TMEM132D: variants seen among roughly 807,000 people sequenced by gnomAD.
TMEM132D encodes the protein transmembrane protein 132D, also known as mature OL transmembrane protein.
Under a neutral mutation model 62.3 loss-of-function variants are expected in TMEM132D, and 21 were observed. The observed-to-expected ratio is 0.34, with a 90% CI of 0.24 to 0.49. The LOEUF is 0.49. TMEM132D is among the 20% of genes least tolerant of loss of function. The pLI is 0.99. For synonymous variants in TMEM132D, 621 were observed against 575.6 expected (o/e 1.08, Z -1.13); for missense variants, 1,346 against 1,402.8 (o/e 0.96, Z 0.65).
chr12:129,684,312 G>A (rs1880854905), intron 2 of TMEM132D, among the ~76,000 whole-genome samples: 1 of 152,040 alleles, frequency 6.6e-6, no homozygotes, highest in Admixed American at 6.5e-5. Context: ...GTTCTCATGA[G>A]ATCTGATGGT....
intron 5 of TMEM132D, among the ~76,000 whole-genome samples, chr12:129,089,266 C>G (rs1299079681): frequency 2.4e-5 from 1 of 41,608 alleles, no homozygotes; most frequent in Non-Finnish European, 3.9e-5. Context: ...TCCTCCATGA[C>G]CGGGATGTCC....
At chr12:129,365,432 T>C (rs1361128407) in intron 3 of TMEM132D, among the ~76,000 whole-genome samples, 1 of 152,202 alleles carries the variant, frequency 6.6e-6, no homozygotes, top group Non-Finnish European at 1.5e-5. Context: ...TGACTAGTCC[T>C]ATCCAAAGCT....
rs534095014 is a variant in TMEM132D at position 129,512,691 on chromosome 12, T to C, written c.1115+18368A>G. ...CTCTGTTTCCAACGAGGCTCACTTA[T>C]GTTTCTGGTCAGCTTGTGCTAACTA... On this transcript the variant is annotated intron_variant, in intron 3 of 8. Coordinates refer to ENST00000422113, the MANE Select transcript of TMEM132D (RefSeq NM_133448.3). Among the ~76,000 whole-genome samples, 6 of 152,362 alleles carry C rather than the reference T, an allele frequency of 3.9e-5. No homozygotes were observed. The South Asian group carries it at 6.2e-4, about 16-fold the overall frequency.
chr12:129,341,595 G>T (rs1203825766), intron 3 of TMEM132D, among the ~76,000 whole-genome samples: 1 of 152,212 alleles, frequency 6.6e-6, no homozygotes, highest in Middle Eastern at 3.2e-3. Flanking sequence ...GATGTTTACA[G>T]TTAAGGGAAC....
chr12:129,849,885 C>T (rs1282340528), intron 1 of TMEM132D, among the ~76,000 whole-genome samples: 2 of 152,182 alleles, frequency 1.3e-5, no homozygotes, highest in Admixed American at 6.5e-5. Context: ...TGCGTGACCC[C>T]TGAATATACC....
chr12:129,578,830 C>A (rs1877759500), intron 2 of TMEM132D, among the ~76,000 whole-genome samples: 1 of 152,134 alleles, frequency 6.6e-6, no homozygotes, highest in Admixed American at 6.5e-5. Flanking sequence ...CTATTCAGAC[C>A]TTCAACGGGT....
chr12:129,495,778 G>T (rs543107094), intron 3 of TMEM132D, among the ~76,000 whole-genome samples: 1 of 152,228 alleles, frequency 6.6e-6, no homozygotes, highest in Non-Finnish European at 1.5e-5. Context: ...GTGTTTCGTG[G>T]GGATGTCTCT....
At chr12:129,699,725 AAC>A (rs1217859063) in intron 2 of TMEM132D, 83 bp downstream of exon 2, 7 of 1,535,804 alleles carry the variant, frequency 4.6e-6, no homozygotes, top group Non-Finnish European at 6.2e-6. Flanking sequence ...GGTGAGCGAT[AAC>A]ACAGCTTTTC....
intron 3 of TMEM132D, among the ~76,000 whole-genome samples, chr12:129,466,489 T>A (rs1313474673): frequency 6.6e-6 from 1 of 152,004 alleles, no homozygotes; most frequent in Non-Finnish European, 1.5e-5. Flanking sequence ...CTGGCAACTT[T>A]TCCTTTTTAA....
At chr12:129,747,503 CAG>C (rs1181224107) in intron 1 of TMEM132D, among the ~76,000 whole-genome samples, 1 of 149,966 alleles carries the variant, frequency 6.7e-6, no homozygotes, top group Non-Finnish European at 1.5e-5. Flanking sequence ...CACACACACT[CAG>C]ACACACACAC....
intron 2 of TMEM132D, among the ~76,000 whole-genome samples, chr12:129,542,523 T>C (rs957926526): frequency 6.6e-6 from 1 of 152,110 alleles, no homozygotes; most frequent in Non-Finnish European, 1.5e-5. Flanking sequence ...TCAAATGGCA[T>C]GAATGGGGAT....
intron 3 of TMEM132D, among the ~76,000 whole-genome samples, chr12:129,393,233 G>T (rs1409417088): frequency 2.0e-5 from 3 of 152,214 alleles, no homozygotes; most frequent in Non-Finnish European, 4.4e-5. Context: ...TACCATGTTT[G>T]CCCAGTGTGT....
intron 4 of TMEM132D, among the ~76,000 whole-genome samples, chr12:129,242,026 T>C (rs1879951883): frequency 6.6e-6 from 1 of 152,228 alleles, no homozygotes; most frequent in Admixed American, 6.5e-5. Context: ...ATTAAGCAAC[T>C]GACCCTGGGG....
At position 129,683,457 on chromosome 12, in the gene TMEM132D, A is replaced by T. The variant is rs1277588418; in HGVS notation, c.968+16353T>A. Among the ~76,000 whole-genome samples the T allele has an allele frequency of 3.3e-5, 5 of 152,226 alleles. No individual in the cohort carries two copies. The East Asian group carries it at 9.6e-4, about 29-fold the overall frequency. On this transcript the variant is annotated intron_variant, in intron 2 of 8. Transcript: ENST00000422113. ...AATAGATATTTAATGAGTGCTGGCT[A>T]TCATTATTGCATTGAGCAATCTCAT...
At chr12:129,778,069 C>G (rs1870999659) in intron 1 of TMEM132D, among the ~76,000 whole-genome samples, 1 of 135,828 alleles carries the variant, frequency 7.4e-6, no homozygotes, top group African/African-American at 2.7e-5. Context: ...GAGCCATAAT[C>G]ACACCACTGC....
intron 3 of TMEM132D, among the ~76,000 whole-genome samples, chr12:129,352,136 C>T (rs977366715): frequency 2.6e-5 from 4 of 152,148 alleles, no homozygotes; most frequent in Admixed American, 2.0e-4. Flanking sequence ...TGGGCATTCC[C>T]AGCCTCAAGA....
chr12:129,077,493 T>C (rs912437311), intron 8 of TMEM132D, among the ~76,000 whole-genome samples: 4 of 151,856 alleles, frequency 2.6e-5, no homozygotes, highest in African/African-American at 9.7e-5. Flanking sequence ...CATTCAAAGG[T>C]CCCCTATAAC....
chr12:129,232,122 T>C (rs114097731), intron 4 of TMEM132D, among the ~76,000 whole-genome samples: 267 of 152,306 alleles, frequency 1.8e-3, no homozygotes, highest in African/African-American at 6.1e-3. Context: ...TTCATTGTCA[T>C]GGGTTGCAGC....
chr12:129,385,085 C>CTTTTTTTT (rs869098367), intron 3 of TMEM132D, among the ~76,000 whole-genome samples: 1 of 86,872 alleles, frequency 1.2e-5, no homozygotes, highest in Non-Finnish European at 2.1e-5. Flanking sequence ...TGTTAAAGTT[C>CTTTTTTTT]TTTTTTTTTT....
Sources: gnomAD v4.1 joint callset for allele counts (sites outside exome capture counted in the v4.1 genomes callset) on GRCh38, gnomAD v4.1.1 for gene constraint, MANE v1.5 for transcripts, NCBI Gene and HGNC (gene_info 2026-07-23, HGNC 2026-07-21) for gene names.